MYO5A: variants seen among roughly 807,000 people sequenced by gnomAD.
The protein encoded by MYO5A is myosin VA.
A neutral mutation model predicts 249.7 loss-of-function variants in MYO5A; 98 were observed. That is an observed-to-expected ratio of 0.39 (90% CI 0.33 to 0.46). The LOEUF is 0.46. Among genes scored for constraint, MYO5A ranks in the 20% least tolerant of loss-of-function variants. The pLI is 0.98. For synonymous variants in MYO5A, 778 were observed against 810.6 expected (o/e 0.96, Z 0.68); for missense variants, 1,696 against 2,308.8 (o/e 0.73, Z 5.44).
chr15:52,358,131 T>C (rs7175314), intron 25 of MYO5A, among the ~76,000 whole-genome samples: 93,031 of 152,070 alleles, frequency 0.61, 33,379 homozygotes, highest in Non-Finnish European at 0.79. Flanking sequence ...TCCCAGCCCA[T>C]GAAGATCGGC....
chr15:52,491,275 G>A (rs1595783006), intron 1 of MYO5A, among the ~76,000 whole-genome samples: 1 of 152,256 alleles, frequency 6.6e-6, no homozygotes, highest in East Asian at 1.9e-4. Flanking sequence ...AATTAAGAGG[G>A]ACTTAAGTAA....
chr15:52,505,216 G>C (rs528170558), intron 1 of MYO5A: 15 of 771,938 alleles, frequency 1.9e-5, no homozygotes, highest in Admixed American at 3.4e-5. Context: ...GAAAAGCCCC[G>C]CCGGCCTCCA....
At chr15:52,367,825 T>C (rs566494317) in intron 22 of MYO5A, among the ~76,000 whole-genome samples, 9 of 148,892 alleles carry the variant, frequency 6.0e-5, no homozygotes, top group African/African-American at 2.3e-4. Context: ...AACTGTCCAC[T>C]TAAAAATGGT....
At chr15:52,332,661 T>C (rs1432171072) in intron 34 of MYO5A, among the ~76,000 whole-genome samples, 1 of 152,126 alleles carries the variant, frequency 6.6e-6, no homozygotes, top group East Asian at 1.9e-4. Flanking sequence ...CAATATTATC[T>C]ACTAATTAAA....
Position 52,330,237 on chromosome 15 carries a change from T to G in MYO5A, c.4555+116A>C. ...ACTACTGCAGCACTAGAATACATGG[T>G]ATCTGATGATGACTAATGAAACCTA... On this transcript the variant is annotated intron_variant, in intron 35 of 41. Transcript: ENST00000399233. 8 of 1,335,838 alleles carry G rather than the reference T, an allele frequency of 6.0e-6. No homozygotes were observed. In the Middle Eastern group the frequency reaches 1.1e-3, roughly 181 times the overall value. 82.7% of individuals were successfully genotyped at this position (1,335,838 alleles called of 1,614,324 possible). A position where few individuals can be genotyped will look rare whatever the true frequency, so the allele number is the denominator to read the frequency against.
chr15:52,397,179 C>T lies in MYO5A; in HGVS notation c.1319+22G>A, dbSNP rs1474392757. ...CTAGAAAGAAATGTTCTCTGGCAGA[C>T]CAATTAGCCAAATATACTCACCCGT... On this transcript the variant is annotated intron_variant, in intron 10 of 41. Transcript: ENST00000399233. 2.5e-6 allele frequency: 4 copies of T among 1,612,738 alleles called. No individual in the cohort carries two copies. In the African/African-American group the frequency reaches 5.3e-5, roughly 22 times the overall value.
chr15:52,405,392 T>G lies in MYO5A; in HGVS notation c.948A>C (p.Gly316=), dbSNP rs1450797882. ...TTCCCATTTGATGAGATTCACTAATTCCTGAAACAAGAGAGTGAATGAACA... is the reference window on the plus strand; with the variant it reads ...TTCCCATTTGATGAGATTCACTAATGCCTGAAACAAGAGAGTGAATGAACA... ...AHTRQACTLL[G]ISESHQMGIF... The change falls in exon 9 of 42, where the codon GGA becomes GGC. Residue 316 remains glycine (G), a splice_region_variant and synonymous_variant. Coordinates refer to ENST00000399233, the MANE Select transcript of MYO5A (RefSeq NM_001382347.1). 1 of 1,597,482 alleles carries G rather than the reference T, an allele frequency of 6.3e-7. No homozygotes were observed. Among genetic ancestry groups the G allele is most frequent in the Non-Finnish European group, 8.6e-7 (1 of 1,165,130 alleles).
Position 52,528,771 on chromosome 15 carries a change from G to A in MYO5A, c.27+9C>T, listed in dbSNP as rs1387501884. ...CCCAGTCCTCGACGCCGGCCGCGGG[G>A]TGCCTTACCTTTGTGTAGAGCTCCG... On this transcript the variant is annotated intron_variant, in intron 1 of 41. Transcript: ENST00000399233. The A allele has an allele frequency of 1.5e-5, 22 of 1,506,816 alleles. No individual in the cohort carries two copies. Among genetic ancestry groups the A allele is most frequent in the Middle Eastern group, 2.2e-4 (1 of 4,632 alleles). The allele number at this position is 1,506,816 out of a possible 1,614,324, so 93.3% of individuals were successfully genotyped here.
chr15:52,387,140 G>A (rs1448318652), intron 14 of MYO5A, among the ~76,000 whole-genome samples: 1 of 152,196 alleles, frequency 6.6e-6, no homozygotes, highest in Non-Finnish European at 1.5e-5. Flanking sequence ...GGATGAACAT[G>A]AGCCATGTTC....
Position 52,327,960 on chromosome 15 carries a change from C to T in MYO5A, c.4602G>A (p.Pro1534=), listed in dbSNP as rs377307109. ...GVAVNLIPGL[P]AYILFMCVRH... is the part of the protein sequence containing the mutation. ...GAACACACATGAACAGGATATATGCCGGTAATCCTGGAATCAAATTGACTG... is the reference window on the plus strand; with the variant it reads ...GAACACACATGAACAGGATATATGCTGGTAATCCTGGAATCAAATTGACTG... Residue 1534 remains proline, a synonymous_variant, in exon 36 of 42, where the codon CCG becomes CCA. Coordinates refer to ENST00000399233, the MANE Select transcript of MYO5A (RefSeq NM_001382347.1). 267 of 1,613,610 alleles carry T rather than the reference C, an allele frequency of 1.7e-4. 1 individual carries two copies. The South Asian group carries it at 2.2e-3, about 13-fold the overall frequency.
intron 1 of MYO5A, among the ~76,000 whole-genome samples, chr15:52,486,669 G>T (rs2141517457): frequency 6.6e-6 from 1 of 152,298 alleles, no homozygotes; most frequent in Non-Finnish European, 1.5e-5. Flanking sequence ...ATAAAGGAAA[G>T]GAAATAACAC....
intron 2 of MYO5A, among the ~76,000 whole-genome samples, chr15:52,428,893 A>T (rs181866244): frequency 1.3e-5 from 2 of 152,236 alleles, no homozygotes; most frequent in East Asian, 3.8e-4. Flanking sequence ...CCTATAAAAA[A>T]GTGGCGGACA....
chr15:52,511,874 T>C (rs1008450877), intron 1 of MYO5A, among the ~76,000 whole-genome samples: 1 of 152,218 alleles, frequency 6.6e-6, no homozygotes, highest in African/African-American at 2.4e-5. Flanking sequence ...AATCTTAACA[T>C]TGATATCGGC....
At chr15:52,406,786 T>A (rs531787710) in intron 8 of MYO5A, among the ~76,000 whole-genome samples, 2 of 152,238 alleles carry the variant, frequency 1.3e-5, no homozygotes, top group Admixed American at 1.3e-4. Context: ...AATGCTGGAA[T>A]AAACTACATG....
chr15:52,517,675 T>A (rs1246913739), intron 1 of MYO5A, among the ~76,000 whole-genome samples: 1 of 152,178 alleles, frequency 6.6e-6, no homozygotes, highest in Non-Finnish European at 1.5e-5. Flanking sequence ...CGCACCAATG[T>A]GCTCCAGCCT....
chr15:52,421,014 G>A (rs1020024951), intron 4 of MYO5A, among the ~76,000 whole-genome samples: 1 of 152,118 alleles, frequency 6.6e-6, no homozygotes, highest in African/African-American at 2.4e-5. Context: ...TACATGCCTG[G>A]CACCATGTTT....
intron 4 of MYO5A, among the ~76,000 whole-genome samples, chr15:52,420,267 T>C (rs1208645658): frequency 6.7e-6 from 1 of 148,588 alleles, no homozygotes; most frequent in African/African-American, 2.5e-5. Context: ...ACTGTGCCAC[T>C]ACACCCTTGC....
chr15:52,440,114 T>C (rs985173523), intron 1 of MYO5A, among the ~76,000 whole-genome samples: 2 of 152,192 alleles, frequency 1.3e-5, no homozygotes, highest in African/African-American at 2.4e-5. Context: ...AGAAGAGCAC[T>C]AGAAAGGCAC....
intron 22 of MYO5A, among the ~76,000 whole-genome samples, chr15:52,369,377 G>A (rs1251395542): frequency 2.0e-5 from 3 of 152,176 alleles, no homozygotes; most frequent in Admixed American, 6.5e-5. Context: ...TTTTTTCCAG[G>A]AAGCCTAATG....
Sources: allele counts gnomAD v4.1 joint callset (sites outside exome capture counted in the v4.1 genomes callset), GRCh38; gene constraint gnomAD v4.1.1; transcripts MANE v1.5; gene names NCBI Gene and HGNC (gene_info 2026-07-23, HGNC 2026-07-21).